ZBTB38: variants seen among roughly 807,000 people sequenced by gnomAD.
ZBTB38 encodes the protein zinc finger and BTB domain-containing protein 38.
In ZBTB38, 20 loss-of-function variants were observed where a neutral mutation model predicts 76.8. That is an observed-to-expected ratio of 0.26 (90% CI 0.18 to 0.38). The LOEUF is 0.38. Ranked by LOEUF, ZBTB38 falls within the 10% of genes least tolerant of loss-of-function variation. The pLI is 1.00. For missense variants in ZBTB38, 1,082 were observed against 1,482.3 expected, an observed-to-expected ratio of 0.73 and a Z score of 4.43; for synonymous variants, 504 against 544.2, an observed-to-expected ratio of 0.93 and a Z score of 1.03.
chr3:141,387,723 T>C (rs1394100361), intron 4 of ZBTB38: 2 of 152,256 alleles, frequency 1.3e-5, no homozygotes, highest in African/African-American at 4.8e-5. Flanking sequence ...AGTTCTGTGA[T>C]CACAGTTCAT....
chr3:141,334,445 T>TTTC (rs1559910901), intron 1 of ZBTB38, among the ~76,000 whole-genome samples: 1 of 115,962 alleles, frequency 8.6e-6, no homozygotes, highest in African/African-American at 3.9e-5. Flanking sequence ...TCCTTCCTTC[T>TTTC]TTCCTTTCTT....
At chr3:141,433,332 TTTTG>T (rs2078027118) in intron 5 of ZBTB38, among the ~76,000 whole-genome samples, 1 of 151,482 alleles carries the variant, frequency 6.6e-6, no homozygotes, top group Admixed American at 6.6e-5. Flanking sequence ...TTTTGTTTTT[TTTTG>T]TTTTTTTTGG....
chr3:141,354,286 G>A (rs1943600245), intron 1 of ZBTB38, among the ~76,000 whole-genome samples: 1 of 152,078 alleles, frequency 6.6e-6, no homozygotes, highest in Non-Finnish European at 1.5e-5. Flanking sequence ...TGGAATTCCT[G>A]AGCTGAAAAC....
At position 141,446,101 on chromosome 3, in the gene ZBTB38, A is replaced by T. The variant is rs1372840137; in HGVS notation, c.*125A>T. 3 of 882,026 alleles carry T rather than the reference A, an allele frequency of 3.4e-6. No individual in the cohort carries two copies. The highest frequency in any genetic ancestry group is 5.8e-5 in the East Asian group (2 of 34,352). 54.6% of individuals were successfully genotyped at this position (882,026 alleles called of 1,614,324 possible). On this transcript the variant is annotated 3_prime_UTR_variant, in exon 6 of 6. Transcript: ENST00000321464. ...GTGAAATTAAAAAAAAAAAAAACTC[A>T]TTTGTGAAAATTCCAGAAAAAGGAT...
At chr3:141,362,427 A>G (rs2148961814) in intron 1 of ZBTB38, among the ~76,000 whole-genome samples, 1 of 152,256 alleles carries the variant, frequency 6.6e-6, no homozygotes, top group East Asian at 1.9e-4. Context: ...TAGATAACAT[A>G]AAATATAGAT....
At chr3:141,435,767 A>G (rs971616436) in intron 5 of ZBTB38, among the ~76,000 whole-genome samples, 2 of 152,042 alleles carry the variant, frequency 1.3e-5, no homozygotes, top group South Asian at 4.1e-4. Context: ...CAGAAAAAAA[A>G]AAAAACTAAA....
chr3:141,362,274 C>T (rs1444484587), intron 1 of ZBTB38, among the ~76,000 whole-genome samples: 1 of 152,074 alleles, frequency 6.6e-6, no homozygotes, highest in African/African-American at 2.4e-5. Context: ...AGGCGTGATT[C>T]AGGAGGAAGA....
At chr3:141,342,910 G>A (rs190620582) in intron 1 of ZBTB38, among the ~76,000 whole-genome samples, 11 of 151,884 alleles carry the variant, frequency 7.2e-5, no homozygotes, top group African/African-American at 2.7e-4. Flanking sequence ...AGCTAGGGGT[G>A]GAAGGGGATT....
chr3:141,440,132 A>G (rs1224775224), intron 5 of ZBTB38, among the ~76,000 whole-genome samples: 3 of 152,252 alleles, frequency 2.0e-5, no homozygotes, highest in African/African-American at 7.2e-5. Context: ...AGGGTAAACA[A>G]GAGCAGAAGA....
intron 1 of ZBTB38, among the ~76,000 whole-genome samples, chr3:141,357,812 TATC>T (rs1368736586): frequency 1.3e-5 from 2 of 152,222 alleles, no homozygotes; most frequent in Non-Finnish European, 2.9e-5. Context: ...AAAAAGTTTG[TATC>T]ATCAACTTAG....
exon 1 of ZBTB38, chr3:141,324,218 A>G (rs1454126487): frequency 6.6e-6 from 1 of 152,248 alleles, no homozygotes; most frequent in Non-Finnish European, 1.5e-5. Context: ...TTGTCCACAG[A>G]AGCCCTCTAG....
intron 5 of ZBTB38, among the ~76,000 whole-genome samples, chr3:141,427,125 T>C (rs1328861988): frequency 1.3e-5 from 2 of 152,108 alleles, no homozygotes; most frequent in Non-Finnish European, 2.9e-5. Context: ...TATGATAGGC[T>C]CTATAAAGCT....
chr3:141,442,726 A>T lies in ZBTB38; in HGVS notation c.338A>T (p.Lys113Met). 1 of 1,614,206 alleles carries T rather than the reference A, an allele frequency of 6.2e-7. No homozygotes were observed. Among genetic ancestry groups the T allele is most frequent in the Middle Eastern group, 1.6e-4 (1 of 6,062 alleles). Residue 113 changes from lysine to methionine, a missense_variant, in exon 6 of 6, where the codon AAG becomes ATG. Physicochemically the swap from Lys to Met is moderately conservative, Grantham distance 95. Transcript: ENST00000321464. The surrounding 1 kb of genome is among the most constrained non-coding windows in gnomAD (Gnocchi z 6.4). ...ACTGATCTCGCAGCTGCAGGAAAAA[A>T]GCTGGGAATATCGTTCTTGGAAGAC... ...TVTDLAAAGK[K>M]LGISFLEDLT... is the part of the protein sequence containing the mutation.
chr3:141,377,194 A>T (rs1945501389), intron 2 of ZBTB38, among the ~76,000 whole-genome samples: 1 of 152,216 alleles, frequency 6.6e-6, no homozygotes, highest in African/African-American at 2.4e-5. Context: ...CCACCACTGC[A>T]GTCAGGAGCA....
intron 5 of ZBTB38, among the ~76,000 whole-genome samples, chr3:141,422,413 A>G (rs961369090): frequency 3.3e-5 from 5 of 152,226 alleles, no homozygotes; most frequent in African/African-American, 4.8e-5. Context: ...GCCCCTCGCC[A>G]CCAAGGCAAG....
At chr3:141,426,806 T>C (rs1006659299) in intron 5 of ZBTB38, among the ~76,000 whole-genome samples, 1 of 152,350 alleles carries the variant, frequency 6.6e-6, no homozygotes, top group South Asian at 2.1e-4. Context: ...GATTGCTCTT[T>C]TTCTTCCTTT....
At chr3:141,345,220 T>C (rs1359154847) in intron 1 of ZBTB38, among the ~76,000 whole-genome samples, 2 of 152,032 alleles carry the variant, frequency 1.3e-5, no homozygotes, top group African/African-American at 4.8e-5. Context: ...GAAGAAGCTC[T>C]AGTGGTTTCT....
chr3:141,359,012 G>A (rs1943743612), intron 1 of ZBTB38, among the ~76,000 whole-genome samples: 1 of 152,176 alleles, frequency 6.6e-6, no homozygotes, highest in Non-Finnish European at 1.5e-5. Context: ...GGTCATATGA[G>A]TGCTCAGTAA....
chr3:141,326,915 C>A (rs772786386), intron 1 of ZBTB38, among the ~76,000 whole-genome samples: 1 of 152,300 alleles, frequency 6.6e-6, no homozygotes, highest in Non-Finnish European at 1.5e-5. Flanking sequence ...GCCAGATGGA[C>A]CCCTGGACAA....
Sources: allele counts gnomAD v4.1 joint callset (sites outside exome capture counted in the v4.1 genomes callset), GRCh38; gene constraint gnomAD v4.1.1; non-coding constraint Gnocchi (gnomAD v3.1); transcripts MANE v1.5; gene names NCBI Gene and HGNC (gene_info 2026-07-23, HGNC 2026-07-21).